Variants in SLC6A11 observed in about 807,000 individuals in gnomAD.
The protein encoded by SLC6A11 is sodium- and chloride-dependent GABA transporter 3.
Under a neutral mutation model 74.8 loss-of-function variants are expected in SLC6A11, and 25 were observed. That is an observed-to-expected ratio of 0.33 (90% confidence interval 0.24 to 0.47). The LOEUF is 0.47. Ranked by LOEUF, SLC6A11 falls within the 20% of genes least tolerant of loss-of-function variation. The pLI, the probability that SLC6A11 is intolerant of heterozygous loss-of-function variation, is 1.00. For synonymous variants in SLC6A11, 330 were observed against 330.2 expected (o/e 1.00, Z 0.01); for missense variants, 574 against 837.0 (o/e 0.69, Z 3.88).
chr3:10,930,482 T>G lies in SLC6A11; in HGVS notation c.1371+1143T>G, dbSNP rs534094368. 5.9e-5 allele frequency among the ~76,000 whole-genome samples: 9 copies of G among 152,052 alleles called. No homozygotes were observed. The South Asian group carries it at 1.9e-3, about 32-fold the overall frequency. ...CCAGTCATTGTCACATTAATGAGAGTGATAATCAGTGTTGGAGCAAATAAA... is the reference window on the plus strand; with the variant it reads ...CCAGTCATTGTCACATTAATGAGAGGGATAATCAGTGTTGGAGCAAATAAA... On this transcript the variant is annotated intron_variant, in intron 10 of 13. Coordinates refer to ENST00000254488, the MANE Select transcript of SLC6A11 (RefSeq NM_014229.3).
chr3:10,865,141 A>G lies in SLC6A11; in HGVS notation c.757-9820A>G, dbSNP rs78539474. On this transcript the variant is annotated intron_variant, in intron 5 of 13. Transcript: ENST00000254488. ...GTGATGGTGAGTAAAGACAGTCACA[A>G]TCTTTCTAATTATTGAGCTGTCTTC... Among the ~76,000 whole-genome samples, 94 of 152,330 alleles carry G rather than the reference A, an allele frequency of 6.2e-4. 3 individuals carry two copies. The East Asian group carries it at 0.016, about 26-fold the overall frequency.
rs1269779148 is a variant in SLC6A11, at chr3:10,928,632, G to C, written c.1234-570G>C. Among the ~76,000 whole-genome samples the C allele has an allele frequency of 2.6e-5, 4 of 152,154 alleles. No homozygotes were observed. The East Asian group carries it at 7.7e-4, about 29-fold the overall frequency. Reference sequence around the variant, plus strand: ...TTTGGCTGGGGCCCAAAGACACCCAGCAGAGACAAAGAGCTGGAAGTTGGC... The same window carrying C: ...TTTGGCTGGGGCCCAAAGACACCCACCAGAGACAAAGAGCTGGAAGTTGGC... On this transcript the variant is annotated intron_variant, in intron 9 of 13. Coordinates refer to ENST00000254488, the MANE Select transcript of SLC6A11 (RefSeq NM_014229.3).
chr3:10,884,115 G>A (rs1024799690), intron 6 of SLC6A11, among the ~76,000 whole-genome samples: 27 of 152,298 alleles, frequency 1.8e-4, no homozygotes, highest in Non-Finnish European at 3.8e-4. Context: ...AAATTCCTCT[G>A]TAATTAGAGA....
At chr3:10,825,679 A>T (rs538036432) in intron 4 of SLC6A11, among the ~76,000 whole-genome samples, 2 of 152,218 alleles carry the variant, frequency 1.3e-5, no homozygotes, top group East Asian at 3.9e-4. Context: ...GTTTTTTTTC[A>T]TATTTAGGAA....
intron 5 of SLC6A11, among the ~76,000 whole-genome samples, chr3:10,845,747 ACT>A (rs1384740435): frequency 3.9e-5 from 6 of 151,954 alleles, no homozygotes; most frequent in African/African-American, 1.2e-4. Context: ...TAGAGCAGAG[ACT>A]CTCATGTTCC....
chr3:10,864,247 T>C (rs562427964), intron 5 of SLC6A11, among the ~76,000 whole-genome samples: 1 of 151,448 alleles, frequency 6.6e-6, no homozygotes, highest in East Asian at 2.0e-4. Context: ...GAAGAAAGAG[T>C]GACACTATTC....
chr3:10,820,173 C>T (rs577387441), intron 3 of SLC6A11, among the ~76,000 whole-genome samples: 1 of 152,266 alleles, frequency 6.6e-6, no homozygotes, highest in South Asian at 2.1e-4. Context: ...TAGACTTAGA[C>T]TCAGGGGACT....
At chr3:10,876,535 C>T (rs1177972100) in intron 6 of SLC6A11, among the ~76,000 whole-genome samples, 1 of 152,100 alleles carries the variant, frequency 6.6e-6, no homozygotes, top group African/African-American at 2.4e-5. Context: ...GAGTGTCACC[C>T]AGAGTTTCCA....
chr3:10,893,548 T>C (rs1020002018), intron 6 of SLC6A11, among the ~76,000 whole-genome samples: 51 of 152,206 alleles, frequency 3.4e-4, no homozygotes, highest in African/African-American at 1.1e-3. Context: ...TGACATCACC[T>C]GGCAGGGTAG....
At chr3:10,835,906 C>T (rs1217998816) in intron 4 of SLC6A11, among the ~76,000 whole-genome samples, 1 of 152,178 alleles carries the variant, frequency 6.6e-6, no homozygotes, top group African/African-American at 2.4e-5. Flanking sequence ...CCATAAAATG[C>T]ACTCCTTTTA....
chr3:10,911,916 C>T (rs1695392632), intron 6 of SLC6A11, among the ~76,000 whole-genome samples, 174 bp from the exon 7 acceptor site: 3 of 152,230 alleles, frequency 2.0e-5, no homozygotes, highest in Non-Finnish European at 2.9e-5. Context: ...ATCATGTGGT[C>T]CCCAAGAATA....
At chr3:10,930,406 C>G (rs564323528) in intron 10 of SLC6A11, among the ~76,000 whole-genome samples, 1 of 152,232 alleles carries the variant, frequency 6.6e-6, no homozygotes. Context: ...CAATTCAGCA[C>G]CTGGCATGGG....
intron 6 of SLC6A11, among the ~76,000 whole-genome samples, chr3:10,892,565 CT>C (rs1187132288): frequency 6.8e-6 from 1 of 147,686 alleles, no homozygotes; most frequent in African/African-American, 2.6e-5. Context: ...AAATCACTGT[CT>C]TCCTTTTTTT....
intron 5 of SLC6A11, among the ~76,000 whole-genome samples, chr3:10,862,480 G>C (rs1365083670): frequency 6.6e-6 from 1 of 152,198 alleles, no homozygotes; most frequent in African/African-American, 2.4e-5. Flanking sequence ...CCTGTGGACA[G>C]GGATTTAAAT....
intron 5 of SLC6A11, among the ~76,000 whole-genome samples, chr3:10,845,636 G>A (rs946957772): frequency 5.9e-5 from 9 of 152,244 alleles, no homozygotes; most frequent in Admixed American, 2.6e-4. Flanking sequence ...TGAGGTGGGC[G>A]GATCTGCAGG....
At chr3:10,855,020 G>A (rs1049354361) in intron 5 of SLC6A11, among the ~76,000 whole-genome samples, 4 of 152,064 alleles carry the variant, frequency 2.6e-5, no homozygotes, top group Admixed American at 1.3e-4. Flanking sequence ...TGGGTGGATG[G>A]GTGGGTGAGT....
rs539479572 is a variant in SLC6A11 at position 10,819,296 on chromosome 3, C to T, written c.257-169C>T. 6.0e-4 allele frequency among the ~76,000 whole-genome samples: 92 copies of T among 152,292 alleles called. 1 individual carries two copies. Among genetic ancestry groups the T allele is most frequent in the African/African-American group, 2.1e-3 (89 of 41,552 alleles). On this transcript the variant is annotated intron_variant, in intron 1 of 13. Transcript: ENST00000254488. The stretch of plus-strand genomic sequence containing the variant: ...TTGAGACTTGGAGATGTGAGGTAGA[C>T]TTACAGAAACCTAGCGCTGTTTTCT...
intron 4 of SLC6A11, among the ~76,000 whole-genome samples, chr3:10,842,978 TG>T (rs1044692739): frequency 2.0e-5 from 3 of 152,006 alleles, no homozygotes; most frequent in African/African-American, 7.2e-5. Flanking sequence ...CTTTCATGCT[TG>T]GTGGGATGGG....
intron 4 of SLC6A11, among the ~76,000 whole-genome samples, chr3:10,842,260 T>C (rs1694448249): frequency 6.6e-6 from 1 of 152,182 alleles, no homozygotes; most frequent in Non-Finnish European, 1.5e-5. Context: ...GTGGCATTTG[T>C]AGATCACTCC....
Sources: gnomAD v4.1 joint callset for allele counts (sites outside exome capture counted in the v4.1 genomes callset) on GRCh38, gnomAD v4.1.1 for gene constraint, MANE v1.5 for transcripts, NCBI Gene and HGNC (gene_info 2026-07-23, HGNC 2026-07-21) for gene names.